HDAC9: variants seen among roughly 807,000 people sequenced by gnomAD.
HDAC9 encodes the protein histone deacetylase 9.
A neutral mutation model predicts 139.4 loss-of-function variants in HDAC9; 41 were observed. That is an observed-to-expected ratio of 0.29 (90% CI 0.23 to 0.38). The LOEUF is 0.38. HDAC9 is among the 10% of genes least tolerant of loss of function. HDAC9 has a pLI of 1.00. For synonymous variants in HDAC9, 517 were observed against 476.2 expected (o/e 1.09, Z -1.12); for missense variants, 1,147 against 1,297.0 (o/e 0.88, Z 1.78).
At chr7:18,440,131 T>C (rs1791611943) in intron 1 of HDAC9, among the ~76,000 whole-genome samples, 1 of 152,128 alleles carries the variant, frequency 6.6e-6, no homozygotes, top group Non-Finnish European at 1.5e-5. Context: ...CATTGTTTTG[T>C]TTTGTCTTTG....
At chr7:18,701,091 T>A (rs1783435200) in intron 12 of HDAC9, among the ~76,000 whole-genome samples, 2 of 151,976 alleles carry the variant, frequency 1.3e-5, no homozygotes. Context: ...TGCTGCAAAA[T>A]TTATGTTTCT....
chr7:18,298,442 A>C (rs1798298638), intron 1 of HDAC9, among the ~76,000 whole-genome samples: 1 of 150,866 alleles, frequency 6.6e-6, no homozygotes, highest in Admixed American at 6.6e-5. Context: ...CCCGCTCCCC[A>C]CCCCACCACA....
At chr7:18,535,643 G>A (rs1360871748) in intron 2 of HDAC9, among the ~76,000 whole-genome samples, 2 of 120,042 alleles carry the variant, frequency 1.7e-5, no homozygotes, top group Non-Finnish European at 3.3e-5. Context: ...GAAAAAGAAA[G>A]TATCAGAAAT....
At chr7:18,613,741 T>C (rs938985845) in intron 6 of HDAC9, among the ~76,000 whole-genome samples, 1 of 152,118 alleles carries the variant, frequency 6.6e-6, no homozygotes, top group Admixed American at 6.6e-5. Flanking sequence ...ATCATCTGAT[T>C]CAGCGTTTGG....
At chr7:18,397,485 C>T (rs371464039) in intron 1 of HDAC9, among the ~76,000 whole-genome samples, 6 of 152,234 alleles carry the variant, frequency 3.9e-5, no homozygotes, top group African/African-American at 1.4e-4. Context: ...ATGGATCGTA[C>T]ACTTTATTCA....
chr7:18,263,227 G>A (rs1283370348), intron 2 of HDAC9, among the ~76,000 whole-genome samples: 1 of 152,148 alleles, frequency 6.6e-6, no homozygotes, highest in Non-Finnish European at 1.5e-5. Context: ...ATATCAGTAT[G>A]TTGTGTGTCA....
intron 13 of HDAC9, among the ~76,000 whole-genome samples, chr7:18,737,222 T>C (rs1346725890): frequency 6.6e-6 from 1 of 152,202 alleles, no homozygotes; most frequent in Non-Finnish European, 1.5e-5. Flanking sequence ...GCTTTTTGTG[T>C]CTCTATCTCC....
chr7:18,728,471 G>A (rs1346753650), intron 13 of HDAC9, among the ~76,000 whole-genome samples: 1 of 151,290 alleles, frequency 6.6e-6, no homozygotes, highest in Non-Finnish European at 1.5e-5. Flanking sequence ...CCTCTGCAAA[G>A]GAACAGTGCT....
At chr7:18,733,852 G>A (rs1405173075) in intron 13 of HDAC9, among the ~76,000 whole-genome samples, 1 of 152,086 alleles carries the variant, frequency 6.6e-6, no homozygotes, top group Non-Finnish European at 1.5e-5. Flanking sequence ...GCACTGAAGA[G>A]TAGAAGTCTG....
At chr7:18,668,731 C>T (rs1172101702) in intron 12 of HDAC9, 2 of 976,054 alleles carry the variant, frequency 2.0e-6, no homozygotes, top group East Asian at 1.1e-4. Flanking sequence ...TTATAATTTA[C>T]ACCCTTGAAG....
rs182784330 is a variant in HDAC9 at position 18,647,205 on chromosome 7, G to A, written c.1036-580G>A. Among the ~76,000 whole-genome samples, 188 of 152,170 alleles carry A rather than the reference G, an allele frequency of 1.2e-3. 1 individual carries two copies. Among genetic ancestry groups the A allele is most frequent in the Middle Eastern group, 0.01 (3 of 294 alleles). On this transcript the variant is annotated intron_variant, in intron 9 of 25. Coordinates refer to ENST00000686413, the MANE Select transcript of HDAC9 (RefSeq NM_178425.4). ...CCAGTATGCCTTTAACTTAAACAGTGTATAAAATATTTTAGAAATGTACTT... is the reference window on the plus strand; with the variant it reads ...CCAGTATGCCTTTAACTTAAACAGTATATAAAATATTTTAGAAATGTACTT...
At chr7:18,148,516 G>A (rs72591348) in intron 1 of HDAC9, among the ~76,000 whole-genome samples, 1,721 of 152,260 alleles carry the variant, frequency 0.011, 62 homozygotes, top group East Asian at 0.11. Flanking sequence ...GAGTGCAATG[G>A]TGTGATCTTG....
intron 16 of HDAC9, among the ~76,000 whole-genome samples, chr7:18,786,485 T>TTCCTTCCTTCCTTCCTTC (rs1562940479): frequency 1.6e-5 from 2 of 128,480 alleles, no homozygotes; most frequent in African/African-American, 7.5e-5. Context: ...TTCCTTCCTT[T>TTCCTTCCTTCCTTCCTTC]CTTCCTTCCT....
In HDAC9 at chr7:18,590,435, C is replaced by T. The variant is rs1039946999; in HGVS notation, c.364C>T (p.Arg122Cys). Residue 122 changes from arginine to cysteine, a missense_variant, in exon 4 of 26, where the codon CGC becomes TGC. Arg to Cys is a radical substitution (Grantham distance 180). Coordinates refer to ENST00000686413, the MANE Select transcript of HDAC9 (RefSeq NM_178425.4). ...GCAAGAACAGGAAGTAGAGAGGCAT[C>T]GCAGAGAACAGCAGCTTCCTCCTCT... ...QRQEQEVERH[R>C]REQQLPPLRG... is the part of the protein sequence containing the mutation. 6.2e-7 allele frequency: 1 copy of T among 1,607,088 alleles called. No individual in the cohort carries two copies. The highest frequency in any genetic ancestry group is 8.5e-7 in the Non-Finnish European group (1 of 1,176,550).
chr7:18,869,453 C>T (rs1400613146), intron 21 of HDAC9, among the ~76,000 whole-genome samples: 1 of 152,082 alleles, frequency 6.6e-6, no homozygotes, highest in East Asian at 1.9e-4. Context: ...TTTCCTGAGG[C>T]CTCCCCAGAA....
intron 2 of HDAC9, among the ~76,000 whole-genome samples, chr7:18,204,817 A>G (rs964012937): frequency 6.6e-6 from 1 of 152,064 alleles, no homozygotes; most frequent in Non-Finnish European, 1.5e-5. Flanking sequence ...TTTGATAAAC[A>G]TATTTCTGCA....
intron 1 of HDAC9, among the ~76,000 whole-genome samples, chr7:18,406,635 C>T (rs1010167132): frequency 1.3e-5 from 2 of 152,066 alleles, no homozygotes; most frequent in Non-Finnish European, 2.9e-5. Flanking sequence ...GTGATCCACC[C>T]GCCTTGGCCT....
At chr7:18,571,843 G>A (rs554801711) in intron 2 of HDAC9, among the ~76,000 whole-genome samples, 5 of 152,058 alleles carry the variant, frequency 3.3e-5, no homozygotes, top group East Asian at 1.9e-4. Context: ...TACTTTTCCC[G>A]CATATTTTCA....
intron 4 of HDAC9, among the ~76,000 whole-genome samples, chr7:18,590,923 A>C (rs1312149526): frequency 6.6e-6 from 1 of 152,216 alleles, no homozygotes; most frequent in Non-Finnish European, 1.5e-5. Context: ...GACATAACAC[A>C]TGCAAAAGAA....
Sources: allele counts gnomAD v4.1 joint callset (sites outside exome capture counted in the v4.1 genomes callset), GRCh38; gene constraint gnomAD v4.1.1; transcripts MANE v1.5; gene names NCBI Gene and HGNC (gene_info 2026-07-23, HGNC 2026-07-21).